Variants in PIEZO2 observed in about 807,000 individuals in gnomAD.
PIEZO2 encodes piezo-type mechanosensitive ion channel component 2.
In PIEZO2, 172 loss-of-function variants were observed where a neutral mutation model predicts 337.3. The observed-to-expected ratio is 0.51, with a 90% CI of 0.45 to 0.58. The LOEUF is 0.58. PIEZO2 is among the 20% of genes least tolerant of loss of function. The pLI is 0.00. For synonymous variants in PIEZO2, 1,251 were observed against 1,228.5 expected (o/e 1.02, Z -0.38); for missense variants, 3,028 against 3,391.3 (o/e 0.89, Z 2.66).
In PIEZO2 at chr18:11,069,908, A is replaced by T. The variant is rs1221923578; in HGVS notation, c.65-3686T>A. ...ACTATCTGAAAAAGAAATTTAAAAA[A>T]TCCCATTCACAATAGCTACAAATAA... On this transcript the variant is annotated intron_variant, in intron 1 of 55. Transcript: ENST00000674853. The surrounding 1 kb of genome is among the most constrained non-coding windows in gnomAD (Gnocchi z 4.9). 3.9e-5 allele frequency among the ~76,000 whole-genome samples: 6 copies of T among 152,256 alleles called. No individual in the cohort carries two copies. Among genetic ancestry groups the T allele is most frequent in the Non-Finnish European group, 5.9e-5 (4 of 68,046 alleles).
At chr18:10,966,924 T>C (rs1481723160) in intron 3 of PIEZO2, among the ~76,000 whole-genome samples, 2 of 152,086 alleles carry the variant, frequency 1.3e-5, no homozygotes, top group Non-Finnish European at 1.5e-5. Flanking sequence ...TCCAATTCTA[T>C]CTAGGTTGAT....
At chr18:10,718,592 G>A (rs779568091) in intron 36 of PIEZO2, among the ~76,000 whole-genome samples, 1 of 152,176 alleles carries the variant, frequency 6.6e-6, no homozygotes, top group African/African-American at 2.4e-5. Flanking sequence ...AGTATTTGGT[G>A]CATGTGAAAA....
At chr18:11,073,592 A>T (rs2038421649) in intron 1 of PIEZO2, among the ~76,000 whole-genome samples, 1 of 152,072 alleles carries the variant, frequency 6.6e-6, no homozygotes, top group African/African-American at 2.4e-5. Context: ...AAAACTAAAT[A>T]AAATAAATAA....
intron 4 of PIEZO2, among the ~76,000 whole-genome samples, chr18:10,884,156 T>A (rs1051639084): frequency 2.0e-5 from 3 of 152,188 alleles, no homozygotes; most frequent in African/African-American, 7.2e-5. Context: ...GTAATCGTGA[T>A]GATGTGATAT....
intron 30 of PIEZO2, among the ~76,000 whole-genome samples, chr18:10,745,974 C>A (rs1466611319): frequency 6.6e-6 from 1 of 152,174 alleles, no homozygotes; most frequent in Non-Finnish European, 1.5e-5. Flanking sequence ...GGCACATCAC[C>A]CTCTATGCTT....
chr18:11,034,440 C>T lies in PIEZO2; in HGVS notation c.160+31687G>A, dbSNP rs182350935. Among the ~76,000 whole-genome samples, 398 of 152,080 alleles carry T rather than the reference C, an allele frequency of 2.6e-3. 3 individuals carry two copies. The highest frequency in any genetic ancestry group is 8.8e-3 in the African/African-American group (365 of 41,532). ...CCTGAGTAGCTGGGACTACAGGCGC[C>T]CGCCACCACGCCAGGCTAATTTTTT... is the stretch of plus-strand genomic sequence containing the variant. On this transcript the variant is annotated intron_variant, in intron 2 of 55. Transcript: ENST00000674853.
rs2039119370 is a variant in PIEZO2, at chr18:10,783,909, C to T, written c.2492+875G>A. ...TTTACGAAATGCATATCATGAACTC[C>T]TACTTCATCTTCTATTGATACCTGC... On this transcript the variant is annotated intron_variant, in intron 17 of 55. Transcript: ENST00000674853. The surrounding 1 kb of genome is among the most constrained non-coding windows in gnomAD (Gnocchi z 4.3). Among the ~76,000 whole-genome samples, 1 of 152,174 alleles carries T rather than the reference C, an allele frequency of 6.6e-6. No homozygotes were observed. The highest frequency in any genetic ancestry group is 2.4e-5 in the African/African-American group (1 of 41,444).
intron 2 of PIEZO2, among the ~76,000 whole-genome samples, chr18:11,014,601 CCTCATT>C (rs2036028294): frequency 6.7e-6 from 1 of 150,306 alleles, no homozygotes; most frequent in Admixed American, 6.6e-5. Context: ...ATCCAGGGCC[CCTCATT>C]CCTCAGTGGG....
chr18:10,765,761 T>C (rs1397715522), intron 21 of PIEZO2, among the ~76,000 whole-genome samples: 4 of 122,780 alleles, frequency 3.3e-5, no homozygotes, highest in African/African-American at 1.2e-4. Context: ...TGTGAGCTCG[T>C]GAGCTCACCC....
At chr18:11,144,975 A>C (rs1312003089) in intron 1 of PIEZO2, among the ~76,000 whole-genome samples, 1 of 152,248 alleles carries the variant, frequency 6.6e-6, no homozygotes, top group Non-Finnish European at 1.5e-5. Flanking sequence ...AAAAAATCTC[A>C]AATCATATAC....
intron 39 of PIEZO2, among the ~76,000 whole-genome samples, chr18:10,711,441 A>C (rs1301401325): frequency 6.6e-6 from 1 of 152,226 alleles, no homozygotes; most frequent in Non-Finnish European, 1.5e-5. Context: ...TTGTATGAAA[A>C]AAATTGTATC....
At chr18:10,757,052 T>G (rs796717235) in intron 27 of PIEZO2, among the ~76,000 whole-genome samples, 1 of 114,078 alleles carries the variant, frequency 8.8e-6, no homozygotes, top group African/African-American at 4.1e-5. Context: ...AAATGAGCTA[T>G]GGGGATGTGG....
At position 10,759,203 on chromosome 18, in the gene PIEZO2, A is replaced by ATGTG. The variant is rs750817456; in HGVS notation, c.3757+275_3757+278dup. ...TGTCTTTTGAAAGGTGGCTGTGTAAATGTGTGTGTGTGTGTGTGTGTGTGT... is the reference window on the plus strand; with the variant it reads ...TGTCTTTTGAAAGGTGGCTGTGTAAATGTGTGTGTGTGTGTGTGTGTGTGTGTGT... On this transcript the variant is annotated intron_variant, in intron 26 of 55. Transcript: ENST00000674853. This position sits in a 1 kb window ranked among gnomAD's most constrained non-coding sequence, Gnocchi z 5.5. Among the ~76,000 whole-genome samples, 24 of 148,568 alleles carry ATGTG rather than the reference A, an allele frequency of 1.6e-4. No individual in the cohort carries two copies. Among genetic ancestry groups the ATGTG allele is most frequent in the Middle Eastern group, 3.4e-3 (1 of 292 alleles).
At chr18:11,135,509 G>A (rs2040455668) in intron 1 of PIEZO2, among the ~76,000 whole-genome samples, 2 of 152,144 alleles carry the variant, frequency 1.3e-5, no homozygotes, top group Non-Finnish European at 2.9e-5. Context: ...CATATTCAAA[G>A]CTATAAAACA....
chr18:10,963,360 C>A (rs1049205279), intron 3 of PIEZO2, among the ~76,000 whole-genome samples: 5 of 152,024 alleles, frequency 3.3e-5, no homozygotes, highest in Non-Finnish European at 7.4e-5. Context: ...AAGACAGTGG[C>A]ATTTACTCTC....
chr18:10,876,959 GACC>G (rs1459733562), intron 4 of PIEZO2, among the ~76,000 whole-genome samples: 1 of 152,134 alleles, frequency 6.6e-6, no homozygotes, highest in Non-Finnish European at 1.5e-5. Context: ...TGACAAGCAA[GACC>G]AACCCCTTCT....
intron 48 of PIEZO2, among the ~76,000 whole-genome samples, chr18:10,690,375 T>C (rs1183432976): frequency 2.0e-5 from 3 of 152,162 alleles, no homozygotes; most frequent in Admixed American, 2.0e-4. Context: ...AGAATTTTCC[T>C]TGTCTCTTGA....
At position 10,713,059 on chromosome 18, in the gene PIEZO2, G is replaced by A. The variant is rs966484574; in HGVS notation, c.5423+1705C>T. 1.3e-5 allele frequency among the ~76,000 whole-genome samples: 2 copies of A among 152,142 alleles called. No homozygotes were observed. Among genetic ancestry groups the A allele is most frequent in the Non-Finnish European group, 2.9e-5 (2 of 68,004 alleles). ...AATACCTATTTTAGGGGAGCAGGCA[G>A]GGATACACCCATGCACAGTGTTATC... On this transcript the variant is annotated intron_variant, in intron 39 of 55. Transcript: ENST00000674853. This position sits in a 1 kb window ranked among gnomAD's most constrained non-coding sequence, Gnocchi z 4.5.
At chr18:10,719,605 G>A (rs4797474) in intron 36 of PIEZO2, among the ~76,000 whole-genome samples, 28,915 of 151,876 alleles carry the variant, frequency 0.19, 3,043 homozygotes, top group South Asian at 0.29. Context: ...GTTCATCAAC[G>A]GACACTTAGG....
Sources: gnomAD v4.1 joint callset for allele counts (sites outside exome capture counted in the v4.1 genomes callset) on GRCh38, gnomAD v4.1.1 for gene constraint, Gnocchi (gnomAD v3.1) non-coding constraint, MANE v1.5 for transcripts, NCBI Gene and HGNC (gene_info 2026-07-23, HGNC 2026-07-21) for gene names.